The following ZDHHC1 variants were observed in gnomAD, a reference collection of about 807,000 sequenced individuals.
ZDHHC1 encodes the protein zDHHC palmitoyltransferase 1.
Under a neutral mutation model 46.9 loss-of-function variants are expected in ZDHHC1, and 45 were observed. That is an observed-to-expected ratio of 0.96 (90% confidence interval 0.76 to 1.23). The LOEUF is 1.23. ZDHHC1 is among the 50% of genes most tolerant of loss of function. The probability of loss-of-function intolerance (pLI) is 0.00; values close to 1 mark genes in which losing one functional copy is unlikely to be tolerated. For synonymous variants in ZDHHC1, 291 were observed against 286.0 expected, an observed-to-expected ratio of 1.02 and a Z score of -0.18; for missense variants, 649 against 670.8, an observed-to-expected ratio of 0.97 and a Z score of 0.36.
At chr16:67,407,638 T>G in intron 2 of ZDHHC1, 129 bp downstream of exon 2, 1 of 721,494 alleles carries the variant, frequency 1.4e-6, no homozygotes, top group South Asian at 1.5e-5. Flanking sequence ...ACTTTGCCAT[T>G]TGGGACGCTT....
chr16:67,405,745 A>G (rs1018190895), intron 3 of ZDHHC1, among the ~76,000 whole-genome samples: 1 of 152,228 alleles, frequency 6.6e-6, no homozygotes, highest in Non-Finnish European at 1.5e-5. Flanking sequence ...CAGTCTGTCC[A>G]TGAATAAAAC....
chr16:67,396,228 CA>C (rs886370882), intron 8 of ZDHHC1: 3 of 152,444 alleles, frequency 2.0e-5, no homozygotes, highest in African/African-American at 7.2e-5. Flanking sequence ...GCCTTGAGGC[CA>C]GGGGGTTGCA....
chr16:67,414,933 T>G (rs1480855492), intron 1 of ZDHHC1, among the ~76,000 whole-genome samples: 2 of 152,126 alleles, frequency 1.3e-5, no homozygotes, highest in African/African-American at 4.8e-5. Context: ...GGTCAGGAGT[T>G]CAAGACCAGC....
intron 11 of ZDHHC1, 29 bp downstream of exon 11, chr16:67,394,973 G>A (rs751129003): frequency 1.3e-6 from 2 of 1,595,392 alleles, no homozygotes; most frequent in East Asian, 2.3e-5. Flanking sequence ...AGTTCCCAGA[G>A]CAGGACCCGG....
Position 67,398,323 on chromosome 16 carries a change from C to T in ZDHHC1, c.816G>A (p.Met272Ile), listed in dbSNP as rs2040473376. The T allele has an allele frequency of 6.2e-7, 1 of 1,612,652 alleles. No individual in the cohort carries two copies. Among genetic ancestry groups the T allele is most frequent in the Non-Finnish European group, 8.5e-7 (1 of 1,179,346 alleles). ...ACTCATAGGTGGTGAGCTTGTGCCA[C>T]ACTGGTGGGGGGAGGAGAGGGCTCA... is the stretch of plus-strand genomic sequence containing the variant. ...GHLLCFHIYL[M>I]WHKLTTYEYI... The change falls in exon 8 of 12, where the codon ATG (methionine) becomes ATA (isoleucine). Residue 272 changes from methionine (M) to isoleucine (I), a missense_variant and splice_region_variant. Transcript: ENST00000565726.
In ZDHHC1 at chr16:67,400,956, C is replaced by A; in HGVS notation, c.428+1G>T. On this transcript the variant is annotated splice_donor_variant, in intron 4 of 11. Transcript: ENST00000565726. LOFTEE classifies it high-confidence loss of function. The stretch of plus-strand genomic sequence containing the variant: ...AGCCACAAGCACCCACACACACTCA[C>A]ACATCCACGTTGCACAAGTTGCAGT... 1 of 1,613,402 alleles carries A rather than the reference C, an allele frequency of 6.2e-7. No individual in the cohort carries two copies.
At position 67,406,472 on chromosome 16, in the gene ZDHHC1, T is replaced by C; in HGVS notation, c.10-30A>G. On this transcript the variant is annotated intron_variant, in intron 2 of 11. Coordinates refer to ENST00000565726, the MANE Select transcript of ZDHHC1 (RefSeq NM_001323627.2). This position sits in a 1 kb window ranked among gnomAD's most constrained non-coding sequence, Gnocchi z 4.1. The stretch of plus-strand genomic sequence containing the variant: ...AGAGGGAGAAACAGTAGAGAGAGCA[T>C]TAGCCCAAGAAGCTGGGCTGGAGCC... The C allele has an allele frequency of 6.8e-7, 1 of 1,474,870 alleles. No homozygotes were observed. The highest frequency in any genetic ancestry group is 2.4e-5 in the East Asian group (1 of 41,134). The allele number at this position is 1,474,870 out of a possible 1,614,324, so 91.4% of individuals were successfully genotyped here.
In ZDHHC1 at chr16:67,399,387, C is replaced by T; in HGVS notation, c.498G>A (p.Trp166Ter). 2 of 1,613,256 alleles carry T rather than the reference C, an allele frequency of 1.2e-6. No homozygotes were observed. Among genetic ancestry groups the T allele is most frequent in the Middle Eastern group, 1.7e-4 (1 of 6,058 alleles). ...CVCGFDHHCK[W>*]LNNCVGERNY... ...TCCGCTCGCCCACACAGTTGTTGAGCCACTTGCAGTGGTGGTCGAAACCGC... is the reference window on the plus strand; with the variant it reads ...TCCGCTCGCCCACACAGTTGTTGAGTCACTTGCAGTGGTGGTCGAAACCGC... Residue 166 changes from tryptophan (W) to a stop codon, truncating the protein, a stop_gained, in exon 5 of 12, where the codon TGG becomes TGA. Coordinates refer to ENST00000565726, the MANE Select transcript of ZDHHC1 (RefSeq NM_001323627.2). LOFTEE classifies it high-confidence loss of function.
intron 8 of ZDHHC1, chr16:67,395,876 A>ACC: frequency 1.1e-5 from 4 of 375,436 alleles, no homozygotes; most frequent in South Asian, 6.6e-5. Flanking sequence ...TGGGAAGCTC[A>ACC]GAGCTGCCCG....
At position 67,407,632 on chromosome 16, in the gene ZDHHC1, T is replaced by C. The variant is rs76701908; in HGVS notation, c.9+135A>G. 5.4e-3 allele frequency: 3,868 copies of C among 711,822 alleles called. 39 individuals carry two copies. The highest frequency in any genetic ancestry group is 5.3e-3 in the Non-Finnish European group (2,016 of 380,738). 44.1% of individuals were successfully genotyped at this position (711,822 alleles called of 1,614,324 possible). On this transcript the variant is annotated intron_variant, in intron 2 of 11. Transcript: ENST00000565726. ...TAAGTCATTGTTGGGCAAATTACTTTGCCATTTGGGACGCTTTGCAATCCT... is the reference window on the plus strand; with the variant it reads ...TAAGTCATTGTTGGGCAAATTACTTCGCCATTTGGGACGCTTTGCAATCCT...
Position 67,407,687 on chromosome 16 carries a change from C to T in ZDHHC1, c.9+80G>A, listed in dbSNP as rs2040686698. On this transcript the variant is annotated intron_variant, in intron 2 of 11. Transcript: ENST00000565726. ...TCTGCCCTCATTAGGACAACTTTCC[C>T]CAAAGGCAGCAAATGTGCTGGGTGG... 3.9e-6 allele frequency: 3 copies of T among 777,060 alleles called. No individual in the cohort carries two copies. In the South Asian group the frequency reaches 4.1e-5, roughly 11 times the overall value. The allele number at this position is 777,060 out of a possible 1,614,324, so 48.1% of individuals were successfully genotyped here.
intron 3 of ZDHHC1, chr16:67,404,811 T>C (rs1384827006): frequency 1.8e-5 from 8 of 436,988 alleles, no homozygotes; most frequent in Non-Finnish European, 3.3e-5. Flanking sequence ...GCCTGGCACA[T>C]GTAAGGGCTC....
chr16:67,406,539 A>G lies in ZDHHC1; in HGVS notation c.10-97T>C. ...AGCCAAGTTTCAGCACAGGGGGAGTAGGCTGCGACAGCTACTCTGCTGGGG... is the reference window on the plus strand; with the variant it reads ...AGCCAAGTTTCAGCACAGGGGGAGTGGGCTGCGACAGCTACTCTGCTGGGG... On this transcript the variant is annotated intron_variant, in intron 2 of 11. Transcript: ENST00000565726. This position sits in a 1 kb window ranked among gnomAD's most constrained non-coding sequence, Gnocchi z 4.1. 7.2e-7 allele frequency: 1 copy of G among 1,389,916 alleles called. No individual in the cohort carries two copies. Among genetic ancestry groups the G allele is most frequent in the South Asian group, 1.5e-5 (1 of 65,418 alleles). The allele number at this position is 1,389,916 out of a possible 1,614,324, so 86.1% of individuals were successfully genotyped here. A position where few individuals can be genotyped will look rare whatever the true frequency, so the allele number is the denominator to read the frequency against.
chr16:67,408,984 G>A (rs2040707641), intron 1 of ZDHHC1, among the ~76,000 whole-genome samples: 1 of 152,132 alleles, frequency 6.6e-6, no homozygotes, highest in South Asian at 2.1e-4. Flanking sequence ...CCATTAATTT[G>A]GATTCCTAAA....
chr16:67,407,304 TG>T (rs1045571661), intron 2 of ZDHHC1, among the ~76,000 whole-genome samples: 2 of 152,262 alleles, frequency 1.3e-5, no homozygotes, highest in East Asian at 1.9e-4. Flanking sequence ...GGGCCCAAGA[TG>T]GGACAACAGC....
At chr16:67,403,684 A>G (rs932932338) in intron 3 of ZDHHC1, among the ~76,000 whole-genome samples, 4 of 151,046 alleles carry the variant, frequency 2.6e-5, no homozygotes, top group Non-Finnish European at 5.9e-5. Context: ...ATCTCGGCTC[A>G]CTGCAGCCTC....
intron 1 of ZDHHC1, among the ~76,000 whole-genome samples, chr16:67,413,937 T>TC (rs1254312008): frequency 1.5e-5 from 1 of 68,878 alleles, no homozygotes; most frequent in Non-Finnish European, 2.8e-5. Flanking sequence ...AGACTCCGTC[T>TC]CAAAAAAAAA....
At chr16:67,399,272 C>T (rs2040498100) in intron 5 of ZDHHC1, 83 bp downstream of exon 5, 1 of 1,294,422 alleles carries the variant, frequency 7.7e-7, no homozygotes, top group East Asian at 2.4e-5. Context: ...TCCCCGCCCG[C>T]CTGCCATGCG....
Position 67,394,857 on chromosome 16 carries a change from G to A in ZDHHC1, c.1202C>T (p.Thr401Met). The A allele has an allele frequency of 3.2e-6, 5 of 1,563,718 alleles. No individual in the cohort carries two copies. The highest frequency in any genetic ancestry group is 2.7e-5 in the African/African-American group (2 of 73,770). The stretch of plus-strand genomic sequence containing the variant: ...CACAGGGCTGGCGTCCGCGGAATCC[G>A]TCGACGAGCTGGAGCGGCGGCTGGG... ...RAPSRRSSSS[T>M]DSADASPVHA... The change falls in exon 12 of 12, where the codon ACG becomes ATG. Residue 401 changes from threonine (T) to methionine (M), a missense_variant. Thr to Met is a moderately conservative substitution (Grantham distance 81). Transcript: ENST00000565726.
Sources: allele counts gnomAD v4.1 joint callset (sites outside exome capture counted in the v4.1 genomes callset), GRCh38; gene constraint gnomAD v4.1.1; non-coding constraint Gnocchi (gnomAD v3.1); transcripts MANE v1.5; gene names NCBI Gene and HGNC (gene_info 2026-07-23, HGNC 2026-07-21).